Variants in OPRM1 observed in about 807,000 individuals in gnomAD.
The protein encoded by OPRM1 is opioid receptor mu 1.
A neutral mutation model predicts 31.8 loss-of-function variants in OPRM1; 27 were observed. The observed-to-expected ratio is 0.85, with a 90% CI of 0.63 to 1.17. The LOEUF is 1.17. OPRM1 is among the 50% of genes most tolerant of loss of function. The probability of loss-of-function intolerance (pLI) is 0.00; values close to 1 mark genes in which losing one functional copy is unlikely to be tolerated. For synonymous variants in OPRM1, 196 were observed against 189.9 expected, an observed-to-expected ratio of 1.03 and a Z score of -0.26; for missense variants, 536 against 511.1, an observed-to-expected ratio of 1.05 and a Z score of -0.47.
intron 3 of OPRM1, among the ~76,000 whole-genome samples, chr6:154,174,465 G>T (rs890063853): frequency 6.6e-6 from 1 of 152,114 alleles, no homozygotes; most frequent in Non-Finnish European, 1.5e-5. Flanking sequence ...AAAATAAAGG[G>T]AAGGAGGAAG....
chr6:154,092,747 T>A (rs1306421505), intron 3 of OPRM1, among the ~76,000 whole-genome samples: 1 of 152,208 alleles, frequency 6.6e-6, no homozygotes, highest in East Asian at 1.9e-4. Flanking sequence ...ACATCCGTCA[T>A]GGGCGACATT....
At chr6:154,099,182 G>T (rs1415982070) in intron 3 of OPRM1, among the ~76,000 whole-genome samples, 3 of 151,992 alleles carry the variant, frequency 2.0e-5, no homozygotes, top group African/African-American at 7.3e-5. Flanking sequence ...CTACTCAGGA[G>T]GCTAAGGTGG....
chr6:154,083,860 C>G (rs537575095), intron 1 of OPRM1: 1 of 141,774 alleles, frequency 7.1e-6, no homozygotes, highest in South Asian at 2.3e-4. Flanking sequence ...AGGAGAATGG[C>G]GTGAACCCGG....
At chr6:154,016,588 A>G (rs1387598055) in intron 1 of OPRM1, among the ~76,000 whole-genome samples, 1 of 152,216 alleles carries the variant, frequency 6.6e-6, no homozygotes, top group Non-Finnish European at 1.5e-5. Flanking sequence ...CCTGACTCTG[A>G]TAAGAATTTA....
At chr6:154,149,276 G>A (rs1798434461) in intron 3 of OPRM1, among the ~76,000 whole-genome samples, 1 of 152,136 alleles carries the variant, frequency 6.6e-6, no homozygotes, top group Non-Finnish European at 1.5e-5. Context: ...CAGAGCAAAG[G>A]AGAGTGGGAA....
intron 3 of OPRM1, chr6:154,107,526 C>T (rs1327785440): frequency 1.4e-6 from 1 of 718,566 alleles, no homozygotes; most frequent in Non-Finnish European, 2.6e-6. Flanking sequence ...AGCTACAATG[C>T]AGGGCAGTCT....
chr6:154,163,788 C>CA (rs937904771), intron 3 of OPRM1, among the ~76,000 whole-genome samples: 1 of 151,626 alleles, frequency 6.6e-6, no homozygotes. Context: ...TTCCATTAAA[C>CA]AAAAAAACTA....
chr6:154,240,362 A>G (rs1780482477), intron 3 of OPRM1, among the ~76,000 whole-genome samples: 1 of 152,212 alleles, frequency 6.6e-6, no homozygotes, highest in Admixed American at 6.5e-5. Flanking sequence ...GCTATGACTA[A>G]TGTATTCATA....
At position 154,122,165 on chromosome 6, in the gene OPRM1, G is replaced by C. The variant is rs980385863; in HGVS notation, c.*3444G>C. The stretch of plus-strand genomic sequence containing the variant: ...TTCTTAACTGGCCACACACACACAA[G>C]TTGTGTTTGTACAATTCTTGAGGTC... On this transcript the variant is annotated 3_prime_UTR_variant, in exon 4 of 4. Transcript: ENST00000330432. Among the ~76,000 whole-genome samples, 1 of 152,168 alleles carries C rather than the reference G, an allele frequency of 6.6e-6. No homozygotes were observed. The highest frequency in any genetic ancestry group is 2.4e-5 in the African/African-American group (1 of 41,460).
chr6:154,131,525 C>T lies in OPRM1; in HGVS notation c.*12804C>T, dbSNP rs899020639. On this transcript the variant is annotated 3_prime_UTR_variant, in exon 4 of 4. Coordinates refer to ENST00000330432, the MANE Select transcript of OPRM1 (RefSeq NM_000914.5). ...TGTTGGGGGTGAAATAAAAGATAGA[C>T]CCCTGCTGCTCTGCACGTAGATTCA... is the stretch of plus-strand genomic sequence containing the variant. 5.1e-4 allele frequency among the ~76,000 whole-genome samples: 78 copies of T among 152,302 alleles called. No individual in the cohort carries two copies. Among genetic ancestry groups the T allele is most frequent in the African/African-American group, 1.8e-3 (76 of 41,574 alleles).
intron 3 of OPRM1, chr6:154,091,842 A>G (rs1353987700): frequency 1.8e-5 from 18 of 1,002,288 alleles, no homozygotes; most frequent in East Asian, 1.0e-4. Flanking sequence ...TTGCTGCAAT[A>G]CCCCTCTTAT....
At chr6:154,013,130 G>A (rs1462377272) in intron 1 of OPRM1, among the ~76,000 whole-genome samples, 1 of 152,148 alleles carries the variant, frequency 6.6e-6, no homozygotes, top group African/African-American at 2.4e-5. Context: ...GAGGAAGAGA[G>A]TTTTCAAGTG....
At chr6:154,033,607 CT>C (rs955254347) in intron 1 of OPRM1, among the ~76,000 whole-genome samples, 10 of 152,216 alleles carry the variant, frequency 6.6e-5, no homozygotes, top group African/African-American at 1.4e-4. Flanking sequence ...GGTTAATACA[CT>C]TTTTTTGTGA....
At chr6:154,052,654 A>T (rs1229870593) in intron 1 of OPRM1, among the ~76,000 whole-genome samples, 1 of 152,228 alleles carries the variant, frequency 6.6e-6, no homozygotes, top group Non-Finnish European at 1.5e-5. Flanking sequence ...TCATTTGCCA[A>T]ACTCTGACAC....
chr6:154,054,638 T>G (rs1303515730), intron 1 of OPRM1, among the ~76,000 whole-genome samples: 4 of 152,242 alleles, frequency 2.6e-5, no homozygotes, highest in African/African-American at 9.6e-5. Flanking sequence ...GTAAATTAAA[T>G]TATCTTGCAG....
In OPRM1 at chr6:154,120,376, A is replaced by G. The variant is rs1797238420; in HGVS notation, c.*1655A>G. 6.6e-6 allele frequency among the ~76,000 whole-genome samples: 1 copy of G among 152,164 alleles called. No homozygotes were observed. The highest frequency in any genetic ancestry group is 1.5e-5 in the Non-Finnish European group (1 of 68,010). ...TCAACCCACGTATCCAGTAGATGGG[A>G]AAAAACAAAAGCCAAAATAAGTTTT... On this transcript the variant is annotated 3_prime_UTR_variant, in exon 4 of 4. Coordinates refer to ENST00000330432, the MANE Select transcript of OPRM1 (RefSeq NM_000914.5).
chr6:154,240,503 T>C (rs1323494896), intron 3 of OPRM1, among the ~76,000 whole-genome samples: 1 of 147,198 alleles, frequency 6.8e-6, no homozygotes, highest in Admixed American at 6.8e-5. Flanking sequence ...ATTAATCTGT[T>C]CTTTATTTTT....
intron 3 of OPRM1, chr6:154,093,613 G>A (rs1792813434): frequency 1.5e-6 from 2 of 1,307,722 alleles, no homozygotes; most frequent in East Asian, 2.5e-5. Context: ...CATCCAATTA[G>A]GCCTTATCTT....
intron 3 of OPRM1, among the ~76,000 whole-genome samples, chr6:154,161,002 A>G (rs1400515325): frequency 1.3e-5 from 2 of 152,046 alleles, no homozygotes; most frequent in Non-Finnish European, 2.9e-5. Context: ...CACTGGCACC[A>G]TTTGTTGATA....
Sources: gnomAD v4.1 joint callset for allele counts (sites outside exome capture counted in the v4.1 genomes callset) on GRCh38, gnomAD v4.1.1 for gene constraint, MANE v1.5 for transcripts, NCBI Gene and HGNC (gene_info 2026-07-23, HGNC 2026-07-21) for gene names.